Variants in NPAT observed in about 807,000 individuals in gnomAD.
The protein encoded by NPAT is nuclear protein, coactivator of histone transcription.
A neutral mutation model predicts 130.7 loss-of-function variants in NPAT; 52 were observed. That is an observed-to-expected ratio of 0.40 (90% CI 0.32 to 0.50). The LOEUF (loss-of-function observed/expected upper bound fraction) is 0.50. NPAT is among the 20% of genes least tolerant of loss of function. The probability of loss-of-function intolerance (pLI) is 0.68; values close to 1 mark genes in which losing one functional copy is unlikely to be tolerated. For missense variants in NPAT, 1,687 were observed against 1,662.6 expected, an observed-to-expected ratio of 1.01 and a Z score of -0.26; for synonymous variants, 580 against 584.8, an observed-to-expected ratio of 0.99 and a Z score of 0.12.
chr11:108,209,445 G>A (rs914283826), intron 1 of NPAT, among the ~76,000 whole-genome samples: 3 of 152,036 alleles, frequency 2.0e-5, no homozygotes, highest in Non-Finnish European at 4.4e-5. Flanking sequence ...TTAGGTAGGT[G>A]TGCTGGCACG....
intron 2 of NPAT, among the ~76,000 whole-genome samples, chr11:108,195,545 T>A (rs937223733): frequency 6.6e-6 from 1 of 152,212 alleles, no homozygotes; most frequent in African/African-American, 2.4e-5. Context: ...AATTGTTTGG[T>A]TTTTGTTGTT....
chr11:108,202,460 G>A (rs2078283511), intron 1 of NPAT, among the ~76,000 whole-genome samples: 1 of 151,312 alleles, frequency 6.6e-6, no homozygotes, highest in East Asian at 1.9e-4. Context: ...CCACCTCTCA[G>A]GGACACACCT....
At chr11:108,214,928 C>T (rs1304524652) in intron 1 of NPAT, among the ~76,000 whole-genome samples, 2 of 152,168 alleles carry the variant, frequency 1.3e-5, no homozygotes, top group Non-Finnish European at 2.9e-5. Context: ...CCACTGCACC[C>T]GGCCTATGAT....
intron 1 of NPAT, among the ~76,000 whole-genome samples, chr11:108,197,750 G>T (rs2078237701): frequency 1.3e-5 from 2 of 152,136 alleles, no homozygotes; most frequent in Admixed American, 6.5e-5. Context: ...CTTCCATAAA[G>T]ACCAAGTCAG....
intron 10 of NPAT, among the ~76,000 whole-genome samples, chr11:108,178,892 T>C (rs1271122360): frequency 6.6e-6 from 1 of 151,982 alleles, no homozygotes; most frequent in Non-Finnish European, 1.5e-5. Flanking sequence ...TCCTATGGAA[T>C]CTCAGAGAAA....
At chr11:108,193,382 T>C (rs2078189397) in intron 3 of NPAT, among the ~76,000 whole-genome samples, 1 of 152,238 alleles carries the variant, frequency 6.6e-6, no homozygotes, top group Non-Finnish European at 1.5e-5. Context: ...GTTTTTGGGT[T>C]ATTTTTGCTA....
chr11:108,216,053 T>C (rs1347650433), intron 1 of NPAT, among the ~76,000 whole-genome samples: 2 of 152,232 alleles, frequency 1.3e-5, no homozygotes, highest in Non-Finnish European at 2.9e-5. Context: ...ATAGGTGAGT[T>C]AGCTGTTACT....
At chr11:108,163,112 C>G (rs1293694318) in intron 15 of NPAT, among the ~76,000 whole-genome samples, 3 of 149,946 alleles carry the variant, frequency 2.0e-5, no homozygotes, top group Admixed American at 6.6e-5. Flanking sequence ...CGGAGTCTCG[C>G]TCTATTGCCC....
intron 1 of NPAT, among the ~76,000 whole-genome samples, chr11:108,212,696 G>A (rs937152100): frequency 7.2e-5 from 11 of 151,900 alleles, no homozygotes; most frequent in Non-Finnish European, 1.5e-4. Flanking sequence ...TATAATCCCA[G>A]CACTCTGGGA....
At chr11:108,215,872 T>C (rs2078431636) in intron 1 of NPAT, among the ~76,000 whole-genome samples, 1 of 152,200 alleles carries the variant, frequency 6.6e-6, no homozygotes, top group Non-Finnish European at 1.5e-5. Context: ...GAAGAAAGCT[T>C]TATCTCAGAT....
At chr11:108,191,485 T>C (rs530134922) in intron 4 of NPAT, among the ~76,000 whole-genome samples, 7 of 152,084 alleles carry the variant, frequency 4.6e-5, no homozygotes, top group Non-Finnish European at 7.4e-5. Flanking sequence ...AAGAGAAATA[T>C]AAAGATAAGA....
intron 1 of NPAT, among the ~76,000 whole-genome samples, chr11:108,205,924 A>G (rs1003903111): frequency 6.6e-6 from 1 of 152,180 alleles, no homozygotes. Flanking sequence ...ACTCGCCTGT[A>G]ATCTCAGCTA....
intron 15 of NPAT, among the ~76,000 whole-genome samples, chr11:108,162,897 G>A (rs2077866023): frequency 6.6e-6 from 1 of 152,120 alleles, no homozygotes; most frequent in African/African-American, 2.4e-5. Context: ...ATGTCACTCA[G>A]AGCACATGCT....
At position 108,172,431 on chromosome 11, in the gene NPAT, C is replaced by T. The variant is rs201797744; in HGVS notation, c.2553G>A (p.Gln851=). 18 of 1,614,182 alleles carry T rather than the reference C, an allele frequency of 1.1e-5. No individual in the cohort carries two copies. Among genetic ancestry groups the T allele is most frequent in the South Asian group, 3.3e-5 (3 of 91,086 alleles). ...PCVSKDGGYI[Q]LMPATSTAFG... ...AAGCTGTGCTTGTGGCTGGCATCAACTGTATATATCCTCCATCCTTGGAAA... is the reference window on the plus strand; with the variant it reads ...AAGCTGTGCTTGTGGCTGGCATCAATTGTATATATCCTCCATCCTTGGAAA... The change falls in exon 13 of 18, where the codon CAG becomes CAA. Residue 851 remains glutamine (Q), a synonymous_variant. Transcript: ENST00000278612.
chr11:108,161,145 G>C lies in NPAT; in HGVS notation c.3941C>G (p.Pro1314Arg). The C allele has an allele frequency of 1.2e-6, 2 of 1,614,164 alleles. No homozygotes were observed. The highest frequency in any genetic ancestry group is 1.7e-6 in the Non-Finnish European group (2 of 1,180,030). ...TGTTTCACTGGCAGGGCTGCAGGCA[G>C]GCAAGTCTGGGGTGACAGGAGGGAC... is the stretch of plus-strand genomic sequence containing the variant. Reference protein sequence around the residue: ...VMVPPVTPDLPACSPASETGS... With the variant: ...VMVPPVTPDLRACSPASETGS... Residue 1314 changes from proline (P) to arginine (R), a missense_variant, in exon 17 of 18, where the codon CCT becomes CGT. Physicochemically the swap from Pro to Arg is moderately radical, Grantham distance 103. Transcript: ENST00000278612.
chr11:108,185,581 G>C, intron 8 of NPAT, 87 bp from the exon 9 acceptor site: 1 of 906,204 alleles, frequency 1.1e-6, no homozygotes, highest in East Asian at 2.6e-5. Context: ...ACCGATAAGA[G>C]CTGGATAGTT....
chr11:108,182,897 T>C lies in NPAT; in HGVS notation c.906+2335A>G, dbSNP rs1282825959. Among the ~76,000 whole-genome samples, 4 of 152,270 alleles carry C rather than the reference T, an allele frequency of 2.6e-5. No individual in the cohort carries two copies. The East Asian group carries it at 7.7e-4, about 29-fold the overall frequency. ...CTTCACAGTGTTTAACAGAGTACCC[T>C]GATTATGGTAAGCACCTGATGTATT... On this transcript the variant is annotated intron_variant, in intron 10 of 17. Coordinates refer to ENST00000278612, the MANE Select transcript of NPAT (RefSeq NM_002519.3).
intron 10 of NPAT, among the ~76,000 whole-genome samples, chr11:108,184,966 G>GT (rs939945138): frequency 2.0e-5 from 3 of 152,126 alleles, no homozygotes; most frequent in African/African-American, 7.2e-5. Flanking sequence ...ACTAATAAAT[G>GT]TTTAAGTATT....
At chr11:108,164,621 C>T (rs2077883945) in intron 15 of NPAT, among the ~76,000 whole-genome samples, 1 of 152,200 alleles carries the variant, frequency 6.6e-6, no homozygotes, top group Admixed American at 6.5e-5. Context: ...AGACACATCA[C>T]TGGCCTTTAA....
Sources: gnomAD v4.1 joint callset for allele counts (sites outside exome capture counted in the v4.1 genomes callset) on GRCh38, gnomAD v4.1.1 for gene constraint, MANE v1.5 for transcripts, NCBI Gene and HGNC (gene_info 2026-07-23, HGNC 2026-07-21) for gene names.